GMDS: variants seen among roughly 807,000 people sequenced by gnomAD.
GMDS encodes GDP-mannose 4,6 dehydratase.
Under a neutral mutation model 49.9 loss-of-function variants are expected in GMDS, and 20 were observed. That is an observed-to-expected ratio of 0.40 (90% CI 0.28 to 0.58). GMDS has a LOEUF of 0.58. Ranked by LOEUF, GMDS falls within the 20% of genes least tolerant of loss-of-function variation. The pLI is 0.42. For synonymous variants in GMDS, 177 were observed against 178.6 expected, an observed-to-expected ratio of 0.99 and a Z score of 0.07; for missense variants, 362 against 481.4, an observed-to-expected ratio of 0.75 and a Z score of 2.32.
chr6:1,980,363 T>A, intron 4 of GMDS, among the ~76,000 whole-genome samples: 1 of 147,320 alleles, frequency 6.8e-6, no homozygotes, highest in East Asian at 2.0e-4. Context: ...ACCAAGCAAA[T>A]GGAAAACAGA....
At chr6:2,080,441 C>G (rs1772618320) in intron 4 of GMDS, among the ~76,000 whole-genome samples, 1 of 152,102 alleles carries the variant, frequency 6.6e-6, no homozygotes, top group Admixed American at 6.5e-5. Context: ...CAGTCACTGC[C>G]TTCAATTTTT....
At chr6:1,642,257 C>T (rs745564865) in intron 9 of GMDS, among the ~76,000 whole-genome samples, 1 of 148,638 alleles carries the variant, frequency 6.7e-6, no homozygotes, top group Non-Finnish European at 1.5e-5. Context: ...ACCTCCACCT[C>T]CCAGGTTCAA....
intron 7 of GMDS, among the ~76,000 whole-genome samples, chr6:1,756,605 T>G (rs1157479533): frequency 1.3e-5 from 2 of 152,148 alleles, no homozygotes; most frequent in Non-Finnish European, 2.9e-5. Context: ...TGATTCAGTG[T>G]GCAGGAACTC....
chr6:1,691,279 TG>T (rs1330818875), intron 9 of GMDS, among the ~76,000 whole-genome samples: 1 of 151,702 alleles, frequency 6.6e-6, no homozygotes, highest in Non-Finnish European at 1.5e-5. Flanking sequence ...AAACACCACA[TG>T]TTCTCACTCG....
At chr6:1,864,856 CA>C (rs1432448071) in intron 7 of GMDS, among the ~76,000 whole-genome samples, 1 of 152,150 alleles carries the variant, frequency 6.6e-6, no homozygotes, top group Non-Finnish European at 1.5e-5. Flanking sequence ...AGAAAGACCC[CA>C]AGTGTAAAGT....
At chr6:2,132,430 T>A (rs1315131870) in intron 1 of GMDS, among the ~76,000 whole-genome samples, 1 of 152,180 alleles carries the variant, frequency 6.6e-6, no homozygotes, top group Non-Finnish European at 1.5e-5. Context: ...AAGCCAGGCA[T>A]TTCCTGGTCT....
rs377389248 is a variant in GMDS, at chr6:1,768,438, T to C, written c.772-25852A>G. Among the ~76,000 whole-genome samples, 10 of 152,338 alleles carry C rather than the reference T, an allele frequency of 6.6e-5. No individual in the cohort carries two copies. The East Asian group carries it at 1.7e-3, about 26-fold the overall frequency. ...AATATTGCCAGCTACTACCAATATA[T>C]GACAGATAAGATACTGAAGAATTCA... is the stretch of plus-strand genomic sequence containing the variant. On this transcript the variant is annotated intron_variant, in intron 7 of 10. Transcript: ENST00000380815.
chr6:2,197,758 G>T (rs531319181), intron 1 of GMDS, among the ~76,000 whole-genome samples: 5 of 152,254 alleles, frequency 3.3e-5, no homozygotes, highest in African/African-American at 1.2e-4. Flanking sequence ...GGACACAGCC[G>T]CCTTGTGAGA....
rs778985003 is a variant in GMDS at position 1,624,429 on chromosome 6, CG to C, written c.1056+42del. ...CCCTGAGAGCTGCCGCCCTGCAGCC[CG>C]GGGCCCCGCAGCGGGCGGCGTGCGC... On this transcript the variant is annotated intron_variant, in intron 10 of 10. Coordinates refer to ENST00000380815, the MANE Select transcript of GMDS (RefSeq NM_001500.4). 12 of 1,552,366 alleles carry C rather than the reference CG, an allele frequency of 7.7e-6. No homozygotes were observed. The African/African-American group carries it at 1.5e-4, about 19-fold the overall frequency.
chr6:2,239,189 C>T (rs979264127), intron 1 of GMDS, among the ~76,000 whole-genome samples: 6 of 152,070 alleles, frequency 3.9e-5, no homozygotes, highest in Admixed American at 6.6e-5. Context: ...ATTAGTTGGG[C>T]GTGGTAGCGC....
At chr6:1,756,265 G>GTTTT (rs142574141) in intron 7 of GMDS, among the ~76,000 whole-genome samples, 1 of 140,398 alleles carries the variant, frequency 7.1e-6, no homozygotes. Flanking sequence ...TTTTGTTCTG[G>GTTTT]TTTTTTTTTT....
intron 1 of GMDS, among the ~76,000 whole-genome samples, chr6:2,236,098 C>T (rs1236480021): frequency 2.0e-5 from 3 of 152,142 alleles, no homozygotes; most frequent in Non-Finnish European, 2.9e-5. Context: ...ATAATGTCTC[C>T]CTCAAAGCAA....
intron 4 of GMDS, among the ~76,000 whole-genome samples, chr6:2,044,594 G>C (rs1484110831): frequency 1.3e-5 from 2 of 152,054 alleles, no homozygotes; most frequent in African/African-American, 2.4e-5. Context: ...GAGAAGATCA[G>C]GAAAAATAAC....
chr6:2,083,004 T>C (rs1159552970), intron 4 of GMDS, among the ~76,000 whole-genome samples: 2 of 152,222 alleles, frequency 1.3e-5, no homozygotes, highest in South Asian at 2.1e-4. Context: ...TCTACAATTC[T>C]TAAAAGTCCC....
intron 7 of GMDS, among the ~76,000 whole-genome samples, chr6:1,810,281 A>G (rs957763184): frequency 6.6e-6 from 1 of 152,050 alleles, no homozygotes; most frequent in Non-Finnish European, 1.5e-5. Context: ...GGCAGGGGGC[A>G]GAGGAGAAGT....
intron 4 of GMDS, among the ~76,000 whole-genome samples, chr6:2,013,484 T>C (rs1581515572): frequency 1.3e-5 from 2 of 152,208 alleles, no homozygotes; most frequent in East Asian, 3.9e-4. Context: ...GATTCACATA[T>C]AACAGATTTT....
At chr6:1,700,742 G>A (rs563270334) in intron 9 of GMDS, among the ~76,000 whole-genome samples, 1 of 152,290 alleles carries the variant, frequency 6.6e-6, no homozygotes, top group East Asian at 1.9e-4. Flanking sequence ...GCAGGTGCCA[G>A]CACACCTCGC....
chr6:2,172,766 C>G (rs1466510843), intron 1 of GMDS, among the ~76,000 whole-genome samples: 1 of 151,962 alleles, frequency 6.6e-6, no homozygotes, highest in Non-Finnish European at 1.5e-5. Context: ...GCCCCAAAAC[C>G]TACTCACATT....
chr6:1,803,550 C>A (rs746655838), intron 7 of GMDS, among the ~76,000 whole-genome samples: 2 of 151,898 alleles, frequency 1.3e-5, no homozygotes, highest in Admixed American at 6.6e-5. Flanking sequence ...TTTAGAAAAA[C>A]CAAAATGCTC....
Sources: allele counts gnomAD v4.1 joint callset (sites outside exome capture counted in the v4.1 genomes callset), GRCh38; gene constraint gnomAD v4.1.1; transcripts MANE v1.5; gene names NCBI Gene and HGNC (gene_info 2026-07-23, HGNC 2026-07-21).